OTOGL: variants seen among roughly 807,000 people sequenced by gnomAD.
The protein encoded by OTOGL is otogelin like.
OTOGL carries 285 observed loss-of-function variants against 318.5 expected under a neutral mutation model. The ratio of observed to expected loss-of-function variants is 0.89; its 90% CI spans 0.81 to 0.99. The LOEUF (loss-of-function observed/expected upper bound fraction) is 0.99. Ranked by LOEUF, OTOGL falls within the 50% of genes least tolerant of loss-of-function variation. OTOGL has a pLI of 0.00. For synonymous variants in OTOGL, 987 were observed against 936.5 expected, an observed-to-expected ratio of 1.05 and a Z score of -0.99; for missense variants, 2,899 against 2,845.6, an observed-to-expected ratio of 1.02 and a Z score of -0.43.
At chr12:80,271,429 A>G (rs1160498967) in intron 23 of OTOGL, among the ~76,000 whole-genome samples, 1 of 152,136 alleles carries the variant, frequency 6.6e-6, no homozygotes, top group African/African-American at 2.4e-5. Flanking sequence ...TTGATAACAT[A>G]TGCTGAAAAA....
chr12:80,179,595 A>T (rs1186005618), intron 1 of OTOGL, among the ~76,000 whole-genome samples: 1 of 152,212 alleles, frequency 6.6e-6, no homozygotes, highest in Non-Finnish European at 1.5e-5. Flanking sequence ...AGAGATTCCC[A>T]GGGTTCTTTA....
chr12:80,358,285 T>A lies in OTOGL; in HGVS notation c.6057T>A (p.His2019Gln). Residue 2019 changes from histidine to glutamine, a missense_variant, in exon 50 of 59, where the codon CAT (histidine) becomes CAA (glutamine). Physicochemically the swap from His to Gln is conservative, Grantham distance 24. Around this residue, in one of 3 missense-constraint regions of OTOGL, gnomAD observed 2,607 missense variants for 2,524.9 expected, o/e 1.03. Coordinates refer to ENST00000547103, the MANE Select transcript of OTOGL (RefSeq NM_001378609.3). ...ESCTKPVPLC[H>Q]DGEFLTVDLN... is the part of the protein sequence containing the mutation. Reference sequence around the variant, plus strand: ...GCACCAAACCTGTTCCACTATGTCATGATGGGGAATTTCTCACAGTAGATC... The same window carrying A: ...GCACCAAACCTGTTCCACTATGTCAAGATGGGGAATTTCTCACAGTAGATC... 1 of 1,612,428 alleles carries A rather than the reference T, an allele frequency of 6.2e-7. No individual in the cohort carries two copies. The highest frequency in any genetic ancestry group is 8.5e-7 in the Non-Finnish European group (1 of 1,179,026).
At chr12:80,197,202 A>G (rs1230383191) in intron 1 of OTOGL, among the ~76,000 whole-genome samples, 2 of 152,128 alleles carry the variant, frequency 1.3e-5, no homozygotes, top group Non-Finnish European at 1.5e-5. Flanking sequence ...GACTGCACCA[A>G]TGTATATCTT....
At chr12:80,147,288 A>G (rs1225135645) in intron 1 of OTOGL, among the ~76,000 whole-genome samples, 51 of 145,288 alleles carry the variant, frequency 3.5e-4, no homozygotes, top group Non-Finnish European at 1.5e-5. Context: ...GAACATCTTT[A>G]TTTCTGCCTT....
At chr12:80,148,303 T>G (rs1592495158) in intron 1 of OTOGL, among the ~76,000 whole-genome samples, 1 of 146,982 alleles carries the variant, frequency 6.8e-6, no homozygotes, top group Non-Finnish European at 1.5e-5. Flanking sequence ...TATTTCTCCT[T>G]CACTTATGAA....
intron 1 of OTOGL, among the ~76,000 whole-genome samples, chr12:80,129,891 A>G (rs1035274998): frequency 1.3e-5 from 2 of 152,112 alleles, no homozygotes; most frequent in African/African-American, 4.8e-5. Flanking sequence ...CCATGACCCC[A>G]TATAAAACTG....
intron 1 of OTOGL, among the ~76,000 whole-genome samples, chr12:80,186,144 T>C (rs567972437): frequency 6.6e-6 from 1 of 152,256 alleles, no homozygotes; most frequent in African/African-American, 2.4e-5. Context: ...TCACGCTCTC[T>C]GAAGGGAAAA....
intron 1 of OTOGL, among the ~76,000 whole-genome samples, chr12:80,140,361 C>G (rs1369181605): frequency 6.6e-6 from 1 of 152,170 alleles, no homozygotes; most frequent in African/African-American, 2.4e-5. Context: ...CTGGAGTTTA[C>G]TTTTGAAACA....
At position 80,296,831 on chromosome 12, in the gene OTOGL, C is replaced by T; in HGVS notation, c.2933C>T (p.Ala978Val). The T allele has an allele frequency of 1.3e-6, 2 of 1,487,094 alleles. No homozygotes were observed. The highest frequency in any genetic ancestry group is 1.4e-5 in the African/African-American group (1 of 72,314). 92.1% of individuals were successfully genotyped at this position (1,487,094 alleles called of 1,614,324 possible). A position where few individuals can be genotyped will look rare whatever the true frequency, so the allele number is the denominator to read the frequency against. The change falls in exon 27 of 59, where the codon GCA becomes GTA. Residue 978 changes from alanine (A) to valine (V), a missense_variant. This residue lies in a region of OTOGL where 2,607 missense variants were observed against 2,524.9 expected (regional missense o/e 1.03). Transcript: ENST00000547103. ...AAAATATTTGTGACATTTCAGAGTG[C>T]AGATGATTCAGATATATCTGTCATT... ...SDCQVFLIKS[A>V]DDSDISVIAQ...
At position 80,257,851 on chromosome 12, in the gene OTOGL, T is replaced by G. The variant is rs947208358; in HGVS notation, c.1738T>G (p.Ser580Ala). 1 of 1,584,450 alleles carries G rather than the reference T, an allele frequency of 6.3e-7. No homozygotes were observed. Among genetic ancestry groups the G allele is most frequent in the African/African-American group, 1.3e-5 (1 of 74,110 alleles). The stretch of plus-strand genomic sequence containing the variant: ...TATTGTTGAAATTCAAACTCTGTCA[T>G]CCTTATTTATACTTCTAAAAACCAC... ...NGIVEIQTLS[S>A]LFILLKTTFG... is the part of the protein sequence containing the mutation. The change falls in exon 18 of 59, where the codon TCC becomes GCC. Residue 580 changes from serine (S) to alanine (A), a missense_variant. By Grantham distance (99) the Ser-to-Ala change is moderately conservative. This residue lies in a region of OTOGL where 2,607 missense variants were observed against 2,524.9 expected (regional missense o/e 1.03). Transcript: ENST00000547103.
chr12:80,373,883 G>A (rs374992351), intron 57 of OTOGL, among the ~76,000 whole-genome samples: 3 of 152,066 alleles, frequency 2.0e-5, no homozygotes, highest in African/African-American at 7.2e-5. Flanking sequence ...GCCAGGACAA[G>A]TTTTAGGAGA....
intron 8 of OTOGL, among the ~76,000 whole-genome samples, chr12:80,231,944 C>T (rs1879404642): frequency 6.6e-6 from 1 of 151,964 alleles, no homozygotes; most frequent in Non-Finnish European, 1.5e-5. Context: ...GCTGACATGA[C>T]TATCTTAATA....
intron 4 of OTOGL, among the ~76,000 whole-genome samples, chr12:80,216,184 G>A (rs752228625): frequency 6.6e-6 from 1 of 152,118 alleles, no homozygotes; most frequent in Non-Finnish European, 1.5e-5. Context: ...AGATTTTCCT[G>A]TTGAAGTAAA....
intron 1 of OTOGL, among the ~76,000 whole-genome samples, chr12:80,149,087 T>C (rs1440501064): frequency 6.6e-6 from 1 of 152,234 alleles, no homozygotes; most frequent in African/African-American, 2.4e-5. Context: ...CTTTGTTCCA[T>C]TGCTGGTGAG....
At chr12:80,114,452 C>A (rs1394750767) in intron 1 of OTOGL, among the ~76,000 whole-genome samples, 1 of 152,186 alleles carries the variant, frequency 6.6e-6, no homozygotes, top group Admixed American at 6.6e-5. Context: ...CTACACTTTT[C>A]TGGCTTGTAG....
intron 27 of OTOGL, among the ~76,000 whole-genome samples, chr12:80,300,421 G>A (rs1885683096): frequency 6.6e-6 from 1 of 152,102 alleles, no homozygotes; most frequent in African/African-American, 2.4e-5. Context: ...GCAGGCATCT[G>A]AGAATCAATC....
At chr12:80,157,992 G>A (rs921003243) in intron 1 of OTOGL, among the ~76,000 whole-genome samples, 2 of 151,994 alleles carry the variant, frequency 1.3e-5, no homozygotes, top group African/African-American at 4.8e-5. Context: ...TACCTGGTTA[G>A]TAATAATTTC....
Position 80,275,774 on chromosome 12 carries a change from A to G in OTOGL, c.2682-2394A>G, listed in dbSNP as rs1266284030. ...CCCTGATTAGTCAGCAGCCATCAAC[A>G]TTGAAGCAAAACCCTCCTTCAGCAA... On this transcript the variant is annotated intron_variant, in intron 24 of 58. Coordinates refer to ENST00000547103, the MANE Select transcript of OTOGL (RefSeq NM_001378609.3). Among the ~76,000 whole-genome samples the G allele has an allele frequency of 2.0e-5, 3 of 151,856 alleles. No homozygotes were observed. The East Asian group carries it at 5.8e-4, about 29-fold the overall frequency.
At chr12:80,345,776 C>A (rs567132331) in intron 44 of OTOGL, among the ~76,000 whole-genome samples, 2 of 152,116 alleles carry the variant, frequency 1.3e-5, no homozygotes, top group South Asian at 2.1e-4. Context: ...TACTTTCAGA[C>A]TCTCAAGTAC....
Sources: allele counts gnomAD v4.1 joint callset (sites outside exome capture counted in the v4.1 genomes callset), GRCh38; gene constraint gnomAD v4.1.1; regional missense constraint gnomAD v4.1.1; transcripts MANE v1.5; gene names NCBI Gene and HGNC (gene_info 2026-07-23, HGNC 2026-07-21).